The following TP53BP1 variants were observed in gnomAD, a reference collection of about 807,000 sequenced individuals.
TP53BP1 encodes TP53-binding protein 1.
In TP53BP1, 61 loss-of-function variants were observed where a neutral mutation model predicts 200.8. The observed-to-expected ratio is 0.30, with a 90% CI of 0.25 to 0.38. The LOEUF is 0.38. Ranked by LOEUF, TP53BP1 falls within the 10% of genes least tolerant of loss-of-function variation. TP53BP1 has a pLI of 1.00. For synonymous variants in TP53BP1, 822 were observed against 844.3 expected (o/e 0.97, Z 0.46); for missense variants, 2,144 against 2,371.9 (o/e 0.90, Z 2.00).
At chr15:43,431,455 G>C (rs549249393) in intron 17 of TP53BP1, among the ~76,000 whole-genome samples, 76 of 152,092 alleles carry the variant, frequency 5.0e-4, no homozygotes, top group African/African-American at 1.7e-3. Flanking sequence ...ATGTTGCCCA[G>C]TCTAGTCTCA....
At chr15:43,426,057 T>A (rs1400578873) in intron 18 of TP53BP1, among the ~76,000 whole-genome samples, 1 of 139,998 alleles carries the variant, frequency 7.1e-6, no homozygotes, top group Non-Finnish European at 1.5e-5. Flanking sequence ...AGAGCGAGAC[T>A]CCGTCTCAAA....
At chr15:43,482,908 C>T (rs768397717) in intron 4 of TP53BP1, among the ~76,000 whole-genome samples, 25 of 152,034 alleles carry the variant, frequency 1.6e-4, no homozygotes, top group Non-Finnish European at 2.8e-4. Flanking sequence ...CCAGCCTGGG[C>T]AACAGAAAAA....
chr15:43,466,123 A>G (rs1257606612), intron 11 of TP53BP1, among the ~76,000 whole-genome samples: 2 of 152,220 alleles, frequency 1.3e-5, no homozygotes, highest in African/African-American at 4.8e-5. Context: ...CACCAAAATG[A>G]GGGAGTAAAC....
At chr15:43,450,651 TACAGGTTTA>T (rs1566941270) in intron 12 of TP53BP1, among the ~76,000 whole-genome samples, 3 of 152,202 alleles carry the variant, frequency 2.0e-5, no homozygotes, top group Non-Finnish European at 4.4e-5. Flanking sequence ...CTTGCTTTTT[TACAGGTTTA>T]ACAGGAGCTC....
chr15:43,431,328 A>G (rs1469161312), intron 17 of TP53BP1, among the ~76,000 whole-genome samples: 2 of 152,158 alleles, frequency 1.3e-5, no homozygotes, highest in Non-Finnish European at 2.9e-5. Context: ...TCTCTGCCAT[A>G]GATCCCACTC....
chr15:43,407,816 C>T (rs1261228832), intron 27 of TP53BP1, 127 bp downstream of exon 27: 1 of 1,034,458 alleles, frequency 9.7e-7, no homozygotes, highest in Non-Finnish European at 1.4e-6. Context: ...GAAGGTGGTA[C>T]TTTTCTTCTC....
At chr15:43,421,580 G>T in intron 19 of TP53BP1, 2 of 551,788 alleles carry the variant, frequency 3.6e-6, no homozygotes, top group Non-Finnish European at 6.4e-6. Flanking sequence ...GGTAGAAGCA[G>T]TGCCCACCAG....
chr15:43,404,618 C>A lies in TP53BP1; in HGVS notation c.*2765G>T. ...TGGCTTTTTAATGAGTTGTAGAATT[C>A]TAGAACTGGAAGAAGACTTTAGTCC... On this transcript the variant is annotated 3_prime_UTR_variant, in exon 28 of 28. Coordinates refer to ENST00000382044, the MANE Select transcript of TP53BP1 (RefSeq NM_001141980.3). The A allele has an allele frequency of 6.4e-7, 1 of 1,552,004 alleles. No individual in the cohort carries two copies. The highest frequency in any genetic ancestry group is 8.8e-7 in the Non-Finnish European group (1 of 1,137,862).
In TP53BP1 at chr15:43,472,457, A is replaced by C. The variant is rs140941871; in HGVS notation, c.1180+2216T>G. On this transcript the variant is annotated intron_variant, in intron 10 of 27. Transcript: ENST00000382044. ...ATAGGAGACTAGGTCAGAGCAAAAG[A>C]AGCTTAAATAATGAGATAAATTAGG... Among the ~76,000 whole-genome samples the C allele has an allele frequency of 2.6e-4, 40 of 152,354 alleles. 1 individual carries two copies. Among genetic ancestry groups the C allele is most frequent in the South Asian group, 2.5e-3 (12 of 4,828 alleles).
intron 21 of TP53BP1, among the ~76,000 whole-genome samples, chr15:43,417,574 G>A (rs879625603): frequency 3.3e-5 from 5 of 152,104 alleles, no homozygotes; most frequent in Non-Finnish European, 5.9e-5. Flanking sequence ...TCAAGAAATG[G>A]GACACAGAAT....
chr15:43,423,148 G>GT (rs775641034), intron 18 of TP53BP1, among the ~76,000 whole-genome samples: 2 of 148,156 alleles, frequency 1.3e-5, no homozygotes, highest in Admixed American at 6.8e-5. Flanking sequence ...CTGGTGCTCA[G>GT]TTTTAAGAAG....
intron 11 of TP53BP1, among the ~76,000 whole-genome samples, chr15:43,465,796 T>TTTTTTG (rs2046561214): frequency 7.7e-6 from 1 of 130,264 alleles, no homozygotes; most frequent in Non-Finnish European, 1.5e-5. Context: ...CACTGTTTTG[T>TTTTTTG]TTTTTGTTGT....
At chr15:43,477,042 T>C (rs1474053564) in intron 8 of TP53BP1, among the ~76,000 whole-genome samples, 1 of 152,164 alleles carries the variant, frequency 6.6e-6, no homozygotes, top group East Asian at 1.9e-4. Flanking sequence ...GACTCATGCC[T>C]GTAAGCCCAG....
intron 12 of TP53BP1, among the ~76,000 whole-genome samples, chr15:43,451,180 T>C (rs1451251805): frequency 6.6e-6 from 1 of 152,082 alleles, no homozygotes; most frequent in Non-Finnish European, 1.5e-5. Context: ...TTACTTTTTT[T>C]CTTTTTTTTT....
At chr15:43,475,006 A>G (rs1361137580) in intron 9 of TP53BP1, among the ~76,000 whole-genome samples, 1 of 152,244 alleles carries the variant, frequency 6.6e-6, no homozygotes, top group Non-Finnish European at 1.5e-5. Context: ...GAGTAAGGGC[A>G]AAGTGAATGA....
intron 4 of TP53BP1, among the ~76,000 whole-genome samples, chr15:43,483,606 T>C (rs1175457052): frequency 6.6e-6 from 1 of 152,010 alleles, no homozygotes; most frequent in Admixed American, 6.6e-5. Flanking sequence ...GAGGTGAAAA[T>C]ATAAATTTGC....
chr15:43,403,903 T>TAC lies in TP53BP1; in HGVS notation c.*3478_*3479dup. On this transcript the variant is annotated 3_prime_UTR_variant, in exon 28 of 28. Coordinates refer to ENST00000382044, the MANE Select transcript of TP53BP1 (RefSeq NM_001141980.3). ...CTGAGTCAGTAAAGCATTTCCTCAA[T>TAC]ACACACACGTACAGAGATAAGATAC... 1.3e-6 allele frequency: 1 copy of TAC among 768,672 alleles called. No homozygotes were observed. Among genetic ancestry groups the TAC allele is most frequent in the Non-Finnish European group, 2.3e-6 (1 of 439,532 alleles). The allele number at this position is 768,672 out of a possible 1,614,324, so 47.6% of individuals were successfully genotyped here. A position where few individuals can be genotyped will look rare whatever the true frequency, so the allele number is the denominator to read the frequency against.
chr15:43,489,156 CT>C (rs1392538537), intron 4 of TP53BP1, among the ~76,000 whole-genome samples: 1 of 152,196 alleles, frequency 6.6e-6, no homozygotes, highest in East Asian at 1.9e-4. Context: ...TTTTTCTCCT[CT>C]TTGCAATGAT....
Position 43,406,521 on chromosome 15 carries a change from C to T in TP53BP1, c.*862G>A. 1 of 449,522 alleles carries T rather than the reference C, an allele frequency of 2.2e-6. No homozygotes were observed. Among genetic ancestry groups the T allele is most frequent in the Non-Finnish European group, 4.5e-6 (1 of 224,494 alleles). The allele number at this position is 449,522 out of a possible 1,614,324, so 27.8% of individuals were successfully genotyped here. ...CTCATTGTCTATGGTTGCTTTCATGCCCTCACAGCAAAGGCGAGTAGTTGT... is the reference window on the plus strand; with the variant it reads ...CTCATTGTCTATGGTTGCTTTCATGTCCTCACAGCAAAGGCGAGTAGTTGT... On this transcript the variant is annotated 3_prime_UTR_variant, in exon 28 of 28. Transcript: ENST00000382044.
Sources: allele counts gnomAD v4.1 joint callset (sites outside exome capture counted in the v4.1 genomes callset), GRCh38; gene constraint gnomAD v4.1.1; transcripts MANE v1.5; gene names NCBI Gene and HGNC (gene_info 2026-07-23, HGNC 2026-07-21).